Variants in ADGRA2 observed in about 807,000 individuals in gnomAD.
The protein encoded by ADGRA2 is adhesion G protein-coupled receptor A2.
Under a neutral mutation model 98.7 loss-of-function variants are expected in ADGRA2, and 61 were observed. The ratio of observed to expected loss-of-function variants is 0.62; its 90% CI spans 0.50 to 0.76. The LOEUF is 0.76. Among genes scored for constraint, ADGRA2 ranks in the 30% least tolerant of loss-of-function variants. The pLI is 0.00. For missense variants in ADGRA2, 1,712 were observed against 1,860.0 expected, an observed-to-expected ratio of 0.92 and a Z score of 1.46; for synonymous variants, 858 against 831.5, an observed-to-expected ratio of 1.03 and a Z score of -0.55.
chr8:37,837,533 G>A (rs562042460), intron 13 of ADGRA2, among the ~76,000 whole-genome samples, 198 bp from the exon 14 acceptor site: 8 of 152,266 alleles, frequency 5.3e-5, no homozygotes, highest in East Asian at 3.9e-4. Flanking sequence ...ACCATCATCC[G>A]CACCCACCCC....
In ADGRA2 at chr8:37,801,439, A is replaced by G. The variant is rs997354892; in HGVS notation, c.266+3905A>G. Among the ~76,000 whole-genome samples the G allele has an allele frequency of 4.8e-4, 73 of 152,134 alleles. 2 individuals carry two copies. The highest frequency in any genetic ancestry group is 1.7e-3 in the African/African-American group (72 of 41,426). On this transcript the variant is annotated intron_variant, in intron 1 of 18. Coordinates refer to ENST00000412232, the MANE Select transcript of ADGRA2 (RefSeq NM_032777.10). ...ATGACAGGGAGAACCTGGGTGTGGG[A>G]GGAAGGTGCAGACCACTGTGAGCCC...
At chr8:37,824,724 G>GACCTTAGGTGATCCACCT (rs1805223763) in intron 2 of ADGRA2, among the ~76,000 whole-genome samples, 7 of 152,112 alleles carry the variant, frequency 4.6e-5, no homozygotes, top group Admixed American at 4.6e-4. Context: ...TCGAACTCCT[G>GACCTTAGGTGATCCACCT]ACCTTAGGTG....
Position 37,807,103 on chromosome 8 carries a change from C to T in ADGRA2, c.267-7793C>T, listed in dbSNP as rs558042935. ...CTGGGTTCAGGGGCAGTCTCAGGAC[C>T]CAACCCCCTAAAGCCCCTCCCTAGG... On this transcript the variant is annotated intron_variant, in intron 1 of 18. Transcript: ENST00000412232. 2.8e-3 allele frequency among the ~76,000 whole-genome samples: 419 copies of T among 152,310 alleles called. 5 individuals are homozygous for T. The highest frequency in any genetic ancestry group is 4.4e-3 in the Non-Finnish European group (296 of 68,016).
At chr8:37,816,144 G>C (rs1804975399) in intron 2 of ADGRA2, among the ~76,000 whole-genome samples, 1 of 152,172 alleles carries the variant, frequency 6.6e-6, no homozygotes, top group South Asian at 2.1e-4. Flanking sequence ...TAAGTATATT[G>C]GGGTCTGGGC....
Position 37,830,597 on chromosome 8 carries a change from C to T in ADGRA2, c.719-113C>T. 6 of 688,958 alleles carry T rather than the reference C, an allele frequency of 8.7e-6. No homozygotes were observed. The South Asian group carries it at 1.0e-4, about 12-fold the overall frequency. 42.7% of individuals were successfully genotyped at this position (688,958 alleles called of 1,614,324 possible). ...CCTTTTCCTTCCCAGCTGGAGCAGG[C>T]TGCAGGCCGAGGGCCCCGCCCCGCC... On this transcript the variant is annotated intron_variant, in intron 6 of 18. Coordinates refer to ENST00000412232, the MANE Select transcript of ADGRA2 (RefSeq NM_032777.10). The surrounding 1 kb of genome is among the most constrained non-coding windows in gnomAD (Gnocchi z 4.8).
In ADGRA2 at chr8:37,843,441, G is replaced by C. The variant is rs1029013193; in HGVS notation, c.*1086G>C. ...AAGCCAAGCCCAGAGGCAGTGGCTG[G>C]GGTCCCTGCAGGTCATGAGGGGCCT... On this transcript the variant is annotated 3_prime_UTR_variant, in exon 19 of 19. Coordinates refer to ENST00000412232, the MANE Select transcript of ADGRA2 (RefSeq NM_032777.10). The C allele has an allele frequency of 6.6e-6, 1 of 152,242 alleles. No individual in the cohort carries two copies. The highest frequency in any genetic ancestry group is 2.4e-5 in the African/African-American group (1 of 41,444). 9.4% of individuals were successfully genotyped at this position (152,242 alleles called of 1,614,324 possible). A position where few individuals can be genotyped will look rare whatever the true frequency, so the allele number is the denominator to read the frequency against.
intron 13 of ADGRA2, among the ~76,000 whole-genome samples, chr8:37,837,147 G>A (rs928049792): frequency 1.3e-5 from 2 of 152,332 alleles, no homozygotes; most frequent in African/African-American, 4.8e-5. Flanking sequence ...AACCTAGCTG[G>A]AGGCCAGCGA....
intron 1 of ADGRA2, among the ~76,000 whole-genome samples, chr8:37,798,368 CCT>C (rs1309954689): frequency 6.6e-6 from 1 of 152,220 alleles, no homozygotes; most frequent in Non-Finnish European, 1.5e-5. Flanking sequence ...CCGCGACTTC[CCT>C]CTTAGTCAGG....
rs1554523205 is a variant in ADGRA2, at chr8:37,811,168, G to GTGTGT, written c.267-3727_267-3726insGTGTT. ...ACTTTTATACTGTGTGTGTGTGTGT[G>GTGTGT]TTTTTTTTTTTTTTTTTTGAGACGG... On this transcript the variant is annotated intron_variant, in intron 1 of 18. Transcript: ENST00000412232. Among the ~76,000 whole-genome samples, 888 of 101,704 alleles carry GTGTGT rather than the reference G, an allele frequency of 8.7e-3. 10 individuals are homozygous for GTGTGT. Among genetic ancestry groups the GTGTGT allele is most frequent in the African/African-American group, 0.034 (862 of 25,344 alleles). 66.7% of individuals were successfully genotyped at this position (101,704 alleles called of 152,430 possible).
intron 1 of ADGRA2, among the ~76,000 whole-genome samples, chr8:37,805,794 G>A (rs528855999): frequency 3.3e-5 from 5 of 152,014 alleles, no homozygotes; most frequent in South Asian, 2.1e-4. Flanking sequence ...ACTTGGACCC[G>A]GGAGGTGGAG....
At chr8:37,827,421 T>C (rs1229454140) in intron 2 of ADGRA2, among the ~76,000 whole-genome samples, 1 of 152,206 alleles carries the variant, frequency 6.6e-6, no homozygotes, top group Non-Finnish European at 1.5e-5. Context: ...GGGTGGGCAC[T>C]GTCTCCTCAG....
chr8:37,842,245 A>C lies in ADGRA2; in HGVS notation c.3907A>C (p.Asn1303His). 6.4e-7 allele frequency: 1 copy of C among 1,555,496 alleles called. No homozygotes were observed. Among genetic ancestry groups the C allele is most frequent in the Non-Finnish European group, 8.7e-7 (1 of 1,150,822 alleles). Residue 1303 changes from asparagine to histidine, a missense_variant, in exon 19 of 19, where the codon AAC becomes CAC. Coordinates refer to ENST00000412232, the MANE Select transcript of ADGRA2 (RefSeq NM_032777.10). ...GTACCCGCTCAACGCCGCCAGCCTA[A>C]ACGGCGCCCCCAAGGGGGGCAAGTA... ...RSYPLNAASL[N>H]GAPKGGKYDD...
At chr8:37,808,665 G>C (rs1400437352) in intron 1 of ADGRA2, among the ~76,000 whole-genome samples, 1 of 151,926 alleles carries the variant, frequency 6.6e-6, no homozygotes, top group Non-Finnish European at 1.5e-5. Flanking sequence ...AAAAATGCCA[G>C]ACCCAGCCAG....
At chr8:37,824,489 A>ATTTTTTTTT (rs34639785) in intron 2 of ADGRA2, among the ~76,000 whole-genome samples, 2 of 114,686 alleles carry the variant, frequency 1.7e-5, no homozygotes, top group Non-Finnish European at 3.5e-5. Context: ...CTAAGGTGCA[A>ATTTTTTTTT]TTTTTTTTTT....
Position 37,842,185 on chromosome 8 carries a change from G to C in ADGRA2, c.3847G>C (p.Gly1283Arg), listed in dbSNP as rs1364375251. ...RSASRDSLKG[G>R]GALEKESHRR... ...CGCCAGCCGCGACAGTCTCAAGGGC[G>C]GCGGCGCGCTGGAGAAGGAGAGCCA... The change falls in exon 19 of 19, where the codon GGC (glycine) becomes CGC (arginine). Residue 1283 changes from glycine (G) to arginine (R), a missense_variant. Physicochemically the swap from Gly to Arg is moderately radical, Grantham distance 125. Coordinates refer to ENST00000412232, the MANE Select transcript of ADGRA2 (RefSeq NM_032777.10). The C allele has an allele frequency of 6.5e-7, 1 of 1,538,550 alleles. No individual in the cohort carries two copies. The highest frequency in any genetic ancestry group is 2.0e-5 in the Admixed American group (1 of 49,990).
At chr8:37,803,553 G>A (rs6993679) in intron 1 of ADGRA2, among the ~76,000 whole-genome samples, 34,530 of 152,174 alleles carry the variant, frequency 0.23, 4,809 homozygotes, top group East Asian at 0.49. Context: ...CTGACAGGAC[G>A]AAGCTGCCTC....
intron 14 of ADGRA2, 54 bp from the exon 15 acceptor site, chr8:37,838,902 G>T: frequency 6.6e-7 from 1 of 1,517,740 alleles, no homozygotes; most frequent in Non-Finnish European, 8.8e-7. Flanking sequence ...AGCTGGCCTG[G>T]GGGCCTGGCG....
In ADGRA2 at chr8:37,841,079, C is replaced by G. The variant is rs376841708; in HGVS notation, c.2748-7C>G. 1.5e-5 allele frequency: 24 copies of G among 1,585,368 alleles called. No homozygotes were observed. The highest frequency in any genetic ancestry group is 2.0e-5 in the Non-Finnish European group (23 of 1,166,524). ...TGTCCTCATCACTGCTTCTGTGTCT[C>G]CTACAGCTGCTGGCTGGTGTGGCGT... On this transcript the variant is annotated splice_polypyrimidine_tract_variant and splice_region_variant and intron_variant, in intron 18 of 18. Transcript: ENST00000412232. This position sits in a 1 kb window ranked among gnomAD's most constrained non-coding sequence, Gnocchi z 5.0.
Position 37,841,686 on chromosome 8 carries a change from C to A in ADGRA2, c.3348C>A (p.Ser1116=). 6.5e-7 allele frequency: 1 copy of A among 1,534,906 alleles called. No individual in the cohort carries two copies. The highest frequency in any genetic ancestry group is 2.1e-5 in the Admixed American group (1 of 48,482). Residue 1116 remains serine (S), a synonymous_variant, in exon 19 of 19, where the codon TCC becomes TCA. Transcript: ENST00000412232. The surrounding 1 kb of genome is among the most constrained non-coding windows in gnomAD (Gnocchi z 5.0). ...CGGTGTTCGGGGAGGGCCCCCCCTC[C>A]CTCAAGTCCTCCCCAAGCGGCAGCA... ...GSPVFGEGPP[S]LKSSPSGSSG...
Sources: allele counts gnomAD v4.1 joint callset (sites outside exome capture counted in the v4.1 genomes callset), GRCh38; gene constraint gnomAD v4.1.1; non-coding constraint Gnocchi (gnomAD v3.1); transcripts MANE v1.5; gene names NCBI Gene and HGNC (gene_info 2026-07-23, HGNC 2026-07-21).